The following NAV3 variants were observed in gnomAD, a reference collection of about 807,000 sequenced individuals.
NAV3 encodes the protein pore membrane and/or filament interacting like protein 1.
NAV3 carries 87 observed loss-of-function variants against 244.7 expected under a neutral mutation model. The ratio of observed to expected loss-of-function variants is 0.36; its 90% CI spans 0.30 to 0.42. The LOEUF is 0.42. NAV3 is among the 20% of genes least tolerant of loss of function. NAV3 has a pLI of 1.00. For missense variants in NAV3, 2,663 were observed against 2,893.3 expected, an observed-to-expected ratio of 0.92 and a Z score of 1.83; for synonymous variants, 1,126 against 1,042.2, an observed-to-expected ratio of 1.08 and a Z score of -1.55.
At chr12:78,199,596 A>G in intron 37 of NAV3, 65 bp downstream of exon 37, 1 of 1,172,886 alleles carries the variant, frequency 8.5e-7, no homozygotes, top group Non-Finnish European at 1.2e-6. Context: ...AGACGGCCAG[A>G]TTGGATGGTA....
chr12:78,004,280 A>ATAATAAT (rs1166069331), intron 7 of NAV3, among the ~76,000 whole-genome samples: 1 of 152,212 alleles, frequency 6.6e-6, no homozygotes, highest in African/African-American at 2.4e-5. Flanking sequence ...TAAAGTAAGC[A>ATAATAAT]GTAGATGAAT....
Position 77,779,446 on chromosome 12 carries a change from A to T in NAV3, c.73-160873A>T, listed in dbSNP as rs182069741. On this transcript the variant is annotated intron_variant, in intron 2 of 8. Transcript: ENST00000550042. Reference sequence around the variant, plus strand: ...ACTGTTAGTAAGAACTAATACGTACAGGTAGGCCACCATGTTGTACAACTC... The same window carrying T: ...ACTGTTAGTAAGAACTAATACGTACTGGTAGGCCACCATGTTGTACAACTC... Among the ~76,000 whole-genome samples the T allele has an allele frequency of 3.3e-5, 5 of 152,360 alleles. No homozygotes were observed. The East Asian group carries it at 9.6e-4, about 29-fold the overall frequency.
intron 3 of NAV3, among the ~76,000 whole-genome samples, chr12:77,958,517 TAAAG>T (rs1891578177): frequency 6.6e-6 from 1 of 152,150 alleles, no homozygotes; most frequent in African/African-American, 2.4e-5. Flanking sequence ...GTTTCTATAA[TAAAG>T]AAAATAACAG....
intron 2 of NAV3, among the ~76,000 whole-genome samples, chr12:77,581,255 A>G (rs1296877978): frequency 2.6e-5 from 4 of 152,278 alleles, no homozygotes; most frequent in South Asian, 2.1e-4. Context: ...TATATATTCA[A>G]TCATTTGTAC....
chr12:77,855,450 A>C (rs1339759259), intron 1 of NAV3, among the ~76,000 whole-genome samples: 1 of 152,174 alleles, frequency 6.6e-6, no homozygotes, highest in Non-Finnish European at 1.5e-5. Flanking sequence ...AAAGGGTATC[A>C]CAATATTTTT....
At chr12:77,962,150 C>T (rs1298241621) in intron 3 of NAV3, among the ~76,000 whole-genome samples, 2 of 151,994 alleles carry the variant, frequency 1.3e-5, no homozygotes, top group East Asian at 1.9e-4. Context: ...GTTCACTCTT[C>T]TCTGTTGGTT....
chr12:78,042,993 T>C (rs1276157976), intron 9 of NAV3, among the ~76,000 whole-genome samples: 1 of 152,150 alleles, frequency 6.6e-6, no homozygotes, highest in East Asian at 1.9e-4. Context: ...GCAGGTTTGT[T>C]ACATAGATGT....
At chr12:77,577,402 G>A (rs948633108) in intron 2 of NAV3, among the ~76,000 whole-genome samples, 6 of 152,016 alleles carry the variant, frequency 3.9e-5, no homozygotes, top group Middle Eastern at 3.4e-3. Flanking sequence ...TTCATATGGC[G>A]GCCTTTTTGC....
At chr12:77,654,129 C>T (rs1369943589) in intron 2 of NAV3, among the ~76,000 whole-genome samples, 9 of 152,126 alleles carry the variant, frequency 5.9e-5, no homozygotes, top group African/African-American at 1.4e-4. Context: ...ACGCACCGTG[C>T]GTGAGCCGAA....
chr12:77,592,621 G>A (rs1252770402), intron 2 of NAV3, among the ~76,000 whole-genome samples: 1 of 152,146 alleles, frequency 6.6e-6, no homozygotes, highest in Non-Finnish European at 1.5e-5. Flanking sequence ...ATGTCCTGCA[G>A]CTTAGCAGTT....
At position 78,197,403 on chromosome 12, in the gene NAV3, T is replaced by C; in HGVS notation, c.6446+2T>C. ...TCTCAATTGTAAATACAACAAATGG[T>C]ATGCTTATCAAATATTCTGAATAAT... On this transcript the variant is annotated splice_donor_variant, in intron 35 of 39. Transcript: ENST00000397909. LOFTEE classifies it high-confidence loss of function. The C allele has an allele frequency of 6.3e-7, 1 of 1,585,454 alleles. No homozygotes were observed. The highest frequency in any genetic ancestry group is 8.6e-7 in the Non-Finnish European group (1 of 1,163,846).
At chr12:78,065,236 C>T (rs1319521740) in intron 12 of NAV3, among the ~76,000 whole-genome samples, 1 of 152,008 alleles carries the variant, frequency 6.6e-6, no homozygotes, top group East Asian at 1.9e-4. Context: ...GCAAAACTAT[C>T]TGAGCTCTTT....
intron 1 of NAV3, among the ~76,000 whole-genome samples, chr12:77,850,654 AC>A (rs1877371680): frequency 6.6e-6 from 1 of 152,034 alleles, no homozygotes; most frequent in African/African-American, 2.4e-5. Context: ...TCTTTTCAGC[AC>A]CTTTTTTTCC....
At chr12:78,203,041 C>T (rs990432060) in intron 38 of NAV3, among the ~76,000 whole-genome samples, 2 of 151,930 alleles carry the variant, frequency 1.3e-5, no homozygotes, top group African/African-American at 4.8e-5. Flanking sequence ...ATGCACTCTG[C>T]CAGATGTTTT....
At chr12:78,003,020 T>C (rs1382334873) in intron 7 of NAV3, among the ~76,000 whole-genome samples, 1 of 151,406 alleles carries the variant, frequency 6.6e-6, no homozygotes, top group African/African-American at 2.4e-5. Context: ...TGTACAACTC[T>C]CCACAGAGTG....
intron 22 of NAV3, among the ~76,000 whole-genome samples, chr12:78,157,379 G>C (rs991540221): frequency 6.9e-6 from 1 of 145,626 alleles, no homozygotes; most frequent in Non-Finnish European, 1.5e-5. Context: ...GTGAGGCACT[G>C]TCTCTACAGA....
At chr12:77,910,135 G>T (rs1393361159) in intron 1 of NAV3, among the ~76,000 whole-genome samples, 2 of 152,012 alleles carry the variant, frequency 1.3e-5, no homozygotes, top group East Asian at 1.9e-4. Flanking sequence ...GTTATGAAGG[G>T]TTATTTGAGA....
At chr12:78,129,469 A>AAAT (rs1956068592) in intron 18 of NAV3, among the ~76,000 whole-genome samples, 1 of 152,206 alleles carries the variant, frequency 6.6e-6, no homozygotes, top group Non-Finnish European at 1.5e-5. Flanking sequence ...ATACAATGAA[A>AAAT]AATAAATTAC....
At chr12:77,623,760 G>A (rs1871489854) in intron 2 of NAV3, among the ~76,000 whole-genome samples, 1 of 152,056 alleles carries the variant, frequency 6.6e-6, no homozygotes, top group Non-Finnish European at 1.5e-5. Flanking sequence ...TGATAAAGAC[G>A]AACATTTCAA....
Sources: gnomAD v4.1 joint callset for allele counts (sites outside exome capture counted in the v4.1 genomes callset) on GRCh38, gnomAD v4.1.1 for gene constraint, MANE v1.5 for transcripts, NCBI Gene and HGNC (gene_info 2026-07-23, HGNC 2026-07-21) for gene names.